AGBL1: variants seen among roughly 807,000 people sequenced by gnomAD.
The protein encoded by AGBL1 is cytosolic carboxypeptidase 4.
A neutral mutation model predicts 118.9 loss-of-function variants in AGBL1; 130 were observed. The observed-to-expected ratio is 1.09, with a 90% CI of 0.95 to 1.26. The LOEUF (loss-of-function observed/expected upper bound fraction) is 1.26, where lower values mean the gene tolerates loss of function less well. Among genes scored for constraint, AGBL1 ranks in the 50% most tolerant of loss-of-function variants. AGBL1 has a pLI of 0.00. For synonymous variants in AGBL1, 555 were observed against 478.9 expected (o/e 1.16, Z -2.08); for missense variants, 1,584 against 1,298.1 (o/e 1.22, Z -3.38).
At chr15:87,006,688 C>G (rs1424993285) in intron 24 of AGBL1, among the ~76,000 whole-genome samples, 1 of 152,136 alleles carries the variant, frequency 6.6e-6, no homozygotes, top group Non-Finnish European at 1.5e-5. Flanking sequence ...TTGTGCACTG[C>G]ACCCACTGTC....
chr15:86,647,081 A>G (rs985039370), intron 21 of AGBL1, among the ~76,000 whole-genome samples: 2 of 152,186 alleles, frequency 1.3e-5, no homozygotes, highest in Non-Finnish European at 2.9e-5. Flanking sequence ...AAAATACACA[A>G]ATGAAAGTGT....
intron 23 of AGBL1, among the ~76,000 whole-genome samples, chr15:86,930,371 C>G (rs527692773): frequency 6.6e-6 from 1 of 152,144 alleles, no homozygotes; most frequent in South Asian, 2.1e-4. Flanking sequence ...TATAAGGGGT[C>G]AGCGTGAGGC....
chr15:86,863,401 A>G (rs2079585012), intron 22 of AGBL1, among the ~76,000 whole-genome samples: 1 of 152,144 alleles, frequency 6.6e-6, no homozygotes, highest in Admixed American at 6.5e-5. Context: ...AGCAGCTGCA[A>G]CTGTGACTCA....
chr15:86,854,120 CCT>C (rs2079445295), intron 22 of AGBL1, among the ~76,000 whole-genome samples: 2 of 152,096 alleles, frequency 1.3e-5, no homozygotes, highest in Admixed American at 6.5e-5. Flanking sequence ...CTGCATTTTC[CCT>C]CTCTACCAAC....
At position 86,370,518 on chromosome 15, in the gene AGBL1, C is replaced by T. The variant is rs533173466; in HGVS notation, c.2375-26848C>T. 1.1e-4 allele frequency among the ~76,000 whole-genome samples: 17 copies of T among 152,218 alleles called. 1 individual carries two copies. Among genetic ancestry groups the T allele is most frequent in the South Asian group, 6.2e-4 (3 of 4,822 alleles). The stretch of plus-strand genomic sequence containing the variant: ...ACCATGTGGCCAGGCTGGTCTTGAA[C>T]TCCTGACCTCAGGTGATCCACCCAC... On this transcript the variant is annotated intron_variant, in intron 17 of 22. Transcript: ENST00000614907.
intron 23 of AGBL1, among the ~76,000 whole-genome samples, chr15:86,962,381 C>T (rs938020592): frequency 6.6e-6 from 1 of 152,044 alleles, no homozygotes; most frequent in African/African-American, 2.4e-5. Flanking sequence ...TATTATCATT[C>T]ACAAGGCATT....
At chr15:86,725,232 C>T (rs1029191465) in intron 22 of AGBL1, among the ~76,000 whole-genome samples, 1 of 152,154 alleles carries the variant, frequency 6.6e-6, no homozygotes. Flanking sequence ...ATTCAAGGAG[C>T]TCATAGGAGC....
intron 22 of AGBL1, among the ~76,000 whole-genome samples, chr15:86,756,446 CTAAG>C (rs1409457278): frequency 2.7e-5 from 4 of 150,008 alleles, no homozygotes; most frequent in Middle Eastern, 3.2e-3. Context: ...TGGCTCCTGA[CTAAG>C]TAAGAGGTGA....
At chr15:86,515,922 T>C (rs985487814) in intron 18 of AGBL1, among the ~76,000 whole-genome samples, 1 of 152,150 alleles carries the variant, frequency 6.6e-6, no homozygotes, top group African/African-American at 2.4e-5. Flanking sequence ...TTTTATACAT[T>C]TTAGGGAGAC....
intron 22 of AGBL1, among the ~76,000 whole-genome samples, chr15:86,724,645 C>A (rs1010288023): frequency 1.2e-4 from 19 of 152,068 alleles, no homozygotes; most frequent in African/African-American, 4.6e-4. Flanking sequence ...AATATTTGTT[C>A]CCTCCAAATC....
At chr15:86,236,734 G>C (rs1231575058) in intron 6 of AGBL1, among the ~76,000 whole-genome samples, 2 of 151,906 alleles carry the variant, frequency 1.3e-5, no homozygotes, top group Non-Finnish European at 2.9e-5. Context: ...CTCCAAAGCC[G>C]AGAGAGGAAA....
At chr15:86,354,435 A>C (rs2080680809) in intron 17 of AGBL1, among the ~76,000 whole-genome samples, 1 of 152,248 alleles carries the variant, frequency 6.6e-6, no homozygotes, top group African/African-American at 2.4e-5. Context: ...CAAATCTGTA[A>C]TCTTTGCCAT....
chr15:87,005,519 G>A (rs373960582), intron 24 of AGBL1, among the ~76,000 whole-genome samples: 4 of 152,200 alleles, frequency 2.6e-5, no homozygotes, highest in East Asian at 3.9e-4. Flanking sequence ...CATAGTTCTC[G>A]TGTCATGGTT....
chr15:86,483,019 A>T (rs1315012205), intron 18 of AGBL1, among the ~76,000 whole-genome samples: 1 of 152,068 alleles, frequency 6.6e-6, no homozygotes, highest in Admixed American at 6.6e-5. Context: ...AGAAAAGGGA[A>T]CAAAAATTAT....
chr15:86,081,344 T>A (rs183726018), intron 1 of AGBL1, among the ~76,000 whole-genome samples: 1 of 152,274 alleles, frequency 6.6e-6, no homozygotes, highest in Non-Finnish European at 1.5e-5. Flanking sequence ...CCTGGCCATT[T>A]TTCTCTGATT....
intron 17 of AGBL1, among the ~76,000 whole-genome samples, chr15:86,305,860 C>G (rs79404719): frequency 3.9e-5 from 6 of 152,156 alleles, no homozygotes; most frequent in Non-Finnish European, 5.9e-5. Flanking sequence ...TCCCATTAAT[C>G]TGAGACTTGA....
chr15:86,971,693 G>A (rs966967614), intron 23 of AGBL1, among the ~76,000 whole-genome samples: 3 of 151,920 alleles, frequency 2.0e-5, no homozygotes, highest in African/African-American at 7.2e-5. Flanking sequence ...TGGAAACATT[G>A]CAGCTCCCTC....
At chr15:86,415,992 T>G (rs1432135379) in intron 18 of AGBL1, among the ~76,000 whole-genome samples, 1 of 152,218 alleles carries the variant, frequency 6.6e-6, no homozygotes, top group African/African-American at 2.4e-5. Context: ...TCACAGCTTT[T>G]TCTTAGCCTT....
chr15:86,458,113 G>A (rs947399638), intron 18 of AGBL1, among the ~76,000 whole-genome samples: 8 of 152,024 alleles, frequency 5.3e-5, no homozygotes, highest in Non-Finnish European at 1.0e-4. Context: ...CTGATAACAA[G>A]GCTCAGAAGG....
Sources: gnomAD v4.1 joint callset for allele counts (sites outside exome capture counted in the v4.1 genomes callset) on GRCh38, gnomAD v4.1.1 for gene constraint, MANE v1.5 for transcripts, NCBI Gene and HGNC (gene_info 2026-07-23, HGNC 2026-07-21) for gene names.